SETD5: variants seen among roughly 807,000 people sequenced by gnomAD.
The protein encoded by SETD5 is histone-lysine N-methyltransferase SETD5.
Under a neutral mutation model 153.3 loss-of-function variants are expected in SETD5, and 44 were observed. That is an observed-to-expected ratio of 0.29 (90% CI 0.23 to 0.37). SETD5 has a LOEUF of 0.37. SETD5 is among the 10% of genes least tolerant of loss of function. The pLI, the probability that SETD5 is intolerant of heterozygous loss-of-function variation, is 1.00. For synonymous variants in SETD5, 716 were observed against 645.2 expected (o/e 1.11, Z -1.66); for missense variants, 1,544 against 1,768.0 (o/e 0.87, Z 2.27).
chr3:9,430,100 CT>C, intron 3 of SETD5: 1 of 1,039,800 alleles, frequency 9.6e-7, no homozygotes, highest in Non-Finnish European at 1.2e-6. Flanking sequence ...TTCACAGTCC[CT>C]GGGGATTCTT....
chr3:9,434,643 G>T lies in SETD5; in HGVS notation c.329+158G>T. ...TTCTCTGCACTAGGTGAGAATTGCT[G>T]ACAACAAGGAATGAGAGATTGATGT... On this transcript the variant is annotated intron_variant, in intron 5 of 22. Transcript: ENST00000402198. The surrounding 1 kb of genome is among the most constrained non-coding windows in gnomAD (Gnocchi z 5.6). 6.8e-7 allele frequency: 1 copy of T among 1,471,902 alleles called. No homozygotes were observed. 91.2% of individuals were successfully genotyped at this position (1,471,902 alleles called of 1,614,324 possible).
At chr3:9,407,236 A>G (rs2035842213) in intron 1 of SETD5, among the ~76,000 whole-genome samples, 2 of 152,002 alleles carry the variant, frequency 1.3e-5, no homozygotes, top group East Asian at 1.9e-4. Context: ...GCTGAGGCAT[A>G]AGAATTGCTT....
chr3:9,401,571 G>A (rs2034786148), intron 1 of SETD5, among the ~76,000 whole-genome samples: 1 of 152,004 alleles, frequency 6.6e-6, no homozygotes, highest in African/African-American at 2.4e-5. Flanking sequence ...CCTTTGAATG[G>A]GGAAATAATA....
intron 1 of SETD5, among the ~76,000 whole-genome samples, chr3:9,414,563 G>T (rs1202785971): frequency 1.3e-5 from 2 of 152,128 alleles, no homozygotes; most frequent in Non-Finnish European, 2.9e-5. Context: ...GTATTTACCA[G>T]GATATACATT....
intron 11 of SETD5, among the ~76,000 whole-genome samples, chr3:9,444,808 CAG>C (rs1411891340): frequency 1.3e-5 from 2 of 152,028 alleles, no homozygotes; most frequent in East Asian, 1.9e-4. Context: ...GCCCAGGAAA[CAG>C]AGATTACCGA....
At chr3:9,445,617 CAG>C in intron 12 of SETD5, 38 bp from the exon 13 acceptor site, 1 of 1,546,328 alleles carries the variant, frequency 6.5e-7, no homozygotes, top group Non-Finnish European at 8.9e-7. Flanking sequence ...GATTTTTTCT[CAG>C]AGCTTGAGTA....
Position 9,448,382 on chromosome 3 carries a change from C to A in SETD5, c.2104-6C>A. 1 of 1,612,580 alleles carries A rather than the reference C, an allele frequency of 6.2e-7. No homozygotes were observed. Among genetic ancestry groups the A allele is most frequent in the Non-Finnish European group, 8.5e-7 (1 of 1,179,380 alleles). Reference sequence around the variant, plus strand: ...TTATAAACTAATGATCTCTTTTTTACCTTAGTATCTAGTTACAGAATGGTT... The same window carrying A: ...TTATAAACTAATGATCTCTTTTTTAACTTAGTATCTAGTTACAGAATGGTT... On this transcript the variant is annotated splice_polypyrimidine_tract_variant and splice_region_variant and intron_variant, in intron 15 of 22. Transcript: ENST00000402198.
chr3:9,406,709 A>G (rs1390722349), intron 1 of SETD5, among the ~76,000 whole-genome samples: 1 of 152,036 alleles, frequency 6.6e-6, no homozygotes, highest in African/African-American at 2.4e-5. Context: ...ATTTAGTGTT[A>G]TTTGTGGCAA....
chr3:9,467,451 A>G lies in SETD5; in HGVS notation c.2724+2779A>G, dbSNP rs189763433. Reference sequence around the variant, plus strand: ...TCTACCAGAATAACCCTCCCCTCCTATTCTTGCCCTGAGAGCCATACTCCA... The same window carrying G: ...TCTACCAGAATAACCCTCCCCTCCTGTTCTTGCCCTGAGAGCCATACTCCA... On this transcript the variant is annotated intron_variant, in intron 18 of 22. Coordinates refer to ENST00000402198, the MANE Select transcript of SETD5 (RefSeq NM_001080517.3). 4.4e-3 allele frequency among the ~76,000 whole-genome samples: 674 copies of G among 152,050 alleles called. 1 individual carries two copies. The highest frequency in any genetic ancestry group is 7.5e-3 in the Non-Finnish European group (508 of 67,966).
At chr3:9,420,795 CAT>C (rs2038260864) in intron 1 of SETD5, among the ~76,000 whole-genome samples, 2 of 151,824 alleles carry the variant, frequency 1.3e-5, no homozygotes, top group Admixed American at 6.6e-5. Context: ...TCCAGTAACT[CAT>C]ATTTGTTTCT....
chr3:9,470,953 C>T (rs750638169), intron 19 of SETD5, 24 bp downstream of exon 19: 26 of 1,321,926 alleles, frequency 2.0e-5, no homozygotes, highest in Admixed American at 7.0e-5. Context: ...GTTATATCGG[C>T]GAACTTTTCA....
chr3:9,467,479 C>T (rs1464218340), intron 18 of SETD5, among the ~76,000 whole-genome samples: 9 of 152,016 alleles, frequency 5.9e-5, no homozygotes, highest in Admixed American at 2.6e-4. Context: ...ATACTCCACC[C>T]GCCATTTCAC....
chr3:9,425,344 G>A (rs954868548), intron 2 of SETD5, among the ~76,000 whole-genome samples: 8 of 151,948 alleles, frequency 5.3e-5, no homozygotes, highest in African/African-American at 1.7e-4. Context: ...AATTACAAGC[G>A]TGAGCCACTG....
At position 9,470,573 on chromosome 3, in the gene SETD5, C is replaced by T. The variant is rs756266433; in HGVS notation, c.2839C>T (p.His947Tyr). 11 of 1,613,918 alleles carry T rather than the reference C, an allele frequency of 6.8e-6. No individual in the cohort carries two copies. The highest frequency in any genetic ancestry group is 1.3e-5 in the African/African-American group (1 of 74,942). Reference protein sequence around the residue: ...LNSGHSDLAPHPSLGPTSETG... With the variant: ...LNSGHSDLAPYPSLGPTSETG... ...CTCAGGTCATTCTGACCTGGCTCCT[C>T]ATCCCTCCCTCGGACCCACTTCTGA... Residue 947 changes from histidine (H) to tyrosine (Y), a missense_variant, in exon 19 of 23, where the codon CAT (histidine) becomes TAT (tyrosine). His to Tyr is a moderately conservative substitution (Grantham distance 83). Around this residue, in one of 9 missense-constraint regions of SETD5, gnomAD observed 782 missense variants for 787.2 expected, o/e 0.99. Coordinates refer to ENST00000402198, the MANE Select transcript of SETD5 (RefSeq NM_001080517.3).
At position 9,448,567 on chromosome 3, in the gene SETD5, C is replaced by T; in HGVS notation, c.2283C>T (p.Pro761=). 6.2e-7 allele frequency: 1 copy of T among 1,613,228 alleles called. No individual in the cohort carries two copies. Among genetic ancestry groups the T allele is most frequent in the South Asian group, 1.1e-5 (1 of 91,004 alleles). Reference sequence around the variant, plus strand: ...AACACTACATTCGCTTTGGCTCACCCTTTATCCCTGAGAGACGTCGAAGGC... The same window carrying T: ...AACACTACATTCGCTTTGGCTCACCTTTTATCCCTGAGAGACGTCGAAGGC... ...TPKHYIRFGS[P]FIPERRRRPL... Residue 761 remains proline, a synonymous_variant, in exon 16 of 23, where the codon CCC becomes CCT. Transcript: ENST00000402198.
chr3:9,401,069 C>G (rs2034694127), intron 1 of SETD5, among the ~76,000 whole-genome samples: 1 of 152,010 alleles, frequency 6.6e-6, no homozygotes, highest in African/African-American at 2.4e-5. Flanking sequence ...TAGTATCACT[C>G]TGGCATTTGT....
At chr3:9,435,678 T>C in intron 6 of SETD5, 50 bp from the exon 7 acceptor site, 2 of 1,458,760 alleles carry the variant, frequency 1.4e-6, no homozygotes, top group Non-Finnish European at 9.1e-7. Context: ...CTACTTTTAA[T>C]GTACTTTTGA....
At chr3:9,426,251 T>TTTTTTG (rs1468053711) in intron 2 of SETD5, 1 of 136,058 alleles carries the variant, frequency 7.3e-6, no homozygotes, top group East Asian at 2.0e-4. Flanking sequence ...TTTTTTTTTT[T>TTTTTTG]TGGCAACAGG....
At chr3:9,438,546 T>G (rs968410682) in intron 7 of SETD5, among the ~76,000 whole-genome samples, 1 of 152,196 alleles carries the variant, frequency 6.6e-6, no homozygotes, top group Admixed American at 6.5e-5. Context: ...TTACTAGTCA[T>G]TTTGATTCTT....
Sources: allele counts gnomAD v4.1 joint callset (sites outside exome capture counted in the v4.1 genomes callset), GRCh38; gene constraint gnomAD v4.1.1; regional missense constraint gnomAD v4.1.1; non-coding constraint Gnocchi (gnomAD v3.1); transcripts MANE v1.5; gene names NCBI Gene and HGNC (gene_info 2026-07-23, HGNC 2026-07-21).